TRARG1: variants seen among roughly 807,000 people sequenced by gnomAD.
TRARG1 encodes the protein trafficking regulator of GLUT4 1.
TRARG1 carries 16 observed loss-of-function variants against 13.3 expected under a neutral mutation model. That is an observed-to-expected ratio of 1.20 (90% confidence interval 0.81 to 1.83). TRARG1 has a LOEUF of 1.83. Among genes scored for constraint, TRARG1 ranks in the 40% most tolerant of loss-of-function variants. The probability of loss-of-function intolerance (pLI) is 0.00; values close to 1 mark genes in which losing one functional copy is unlikely to be tolerated. For synonymous variants in TRARG1, 113 were observed against 106.2 expected (o/e 1.06, Z -0.39); for missense variants, 250 against 237.4 (o/e 1.05, Z -0.35).
rs1380484879 is a variant in TRARG1 at position 1,300,818 on chromosome 17, A to G, written c.*2554A>G. ...GCTGTCCCGGCTCCATCTTGGTTCTAGCCGCCACCTGCATGAACACAGTGG... is the reference window on the plus strand; with the variant it reads ...GCTGTCCCGGCTCCATCTTGGTTCTGGCCGCCACCTGCATGAACACAGTGG... On this transcript the variant is annotated 3_prime_UTR_variant, in exon 3 of 3. Transcript: ENST00000333813. 6.6e-6 allele frequency: 1 copy of G among 152,288 alleles called. No individual in the cohort carries two copies. The highest frequency in any genetic ancestry group is 1.5e-5 in the Non-Finnish European group (1 of 68,096). The allele number at this position is 152,288 out of a possible 1,614,324, so 9.4% of individuals were successfully genotyped here. A position where few individuals can be genotyped will look rare whatever the true frequency, so the allele number is the denominator to read the frequency against.
At chr17:1,281,417 C>T (rs781544718) in intron 1 of TRARG1, among the ~76,000 whole-genome samples, 7 of 151,998 alleles carry the variant, frequency 4.6e-5, no homozygotes, top group South Asian at 2.1e-4. Flanking sequence ...TCACCATCAC[C>T]GAACCCCCAG....
Position 1,280,954 on chromosome 17 carries a change from C to T in TRARG1, c.387+566C>T, listed in dbSNP as rs373370092. ...AAGCGGGGAGAGCTGGCAGACTGCT[C>T]CTCCCGAGGCGTGGAGTTCCCTCCG... is the stretch of plus-strand genomic sequence containing the variant. On this transcript the variant is annotated intron_variant, in intron 1 of 2. Coordinates refer to ENST00000333813, the MANE Select transcript of TRARG1 (RefSeq NM_172367.3). 1.6e-3 allele frequency among the ~76,000 whole-genome samples: 249 copies of T among 152,306 alleles called. 2 individuals are homozygous for T. Among genetic ancestry groups the T allele is most frequent in the South Asian group, 0.013 (64 of 4,830 alleles).
Position 1,279,955 on chromosome 17 carries a change from C to T in TRARG1, c.-47C>T. On this transcript the variant is annotated 5_prime_UTR_variant, in exon 1 of 3. Coordinates refer to ENST00000333813, the MANE Select transcript of TRARG1 (RefSeq NM_172367.3). Reference sequence around the variant, plus strand: ...ATGGCGCGCTGAGGTCCCTCCAGAGCCCCTTGTCCCAGCCTGGAGCTGCAG... The same window carrying T: ...ATGGCGCGCTGAGGTCCCTCCAGAGTCCCTTGTCCCAGCCTGGAGCTGCAG... 6.4e-7 allele frequency: 1 copy of T among 1,565,364 alleles called. No homozygotes were observed. The highest frequency in any genetic ancestry group is 8.7e-7 in the Non-Finnish European group (1 of 1,154,968).
At chr17:1,284,068 TGG>T (rs2072003006) in intron 1 of TRARG1, among the ~76,000 whole-genome samples, 7 of 151,204 alleles carry the variant, frequency 4.6e-5, no homozygotes, top group Admixed American at 4.0e-4. Flanking sequence ...TGAGCTGAGA[TGG>T]TGCCACTGCA....
At chr17:1,285,899 A>T (rs915801050) in intron 1 of TRARG1, among the ~76,000 whole-genome samples, 4 of 152,154 alleles carry the variant, frequency 2.6e-5, no homozygotes, top group African/African-American at 9.7e-5. Context: ...GGGCAGAGAC[A>T]CCCAGGGAGG....
At chr17:1,293,010 G>A (rs945809917) in intron 1 of TRARG1, among the ~76,000 whole-genome samples, 10 of 152,060 alleles carry the variant, frequency 6.6e-5, no homozygotes, top group African/African-American at 1.9e-4. Flanking sequence ...GAAAGAGGCC[G>A]GGCACAGTGA....
chr17:1,283,875 G>A (rs1372511963), intron 1 of TRARG1, among the ~76,000 whole-genome samples: 2 of 151,926 alleles, frequency 1.3e-5, no homozygotes, highest in African/African-American at 4.8e-5. Flanking sequence ...CACTTTGGGA[G>A]GCCGAGGCGG....
intron 1 of TRARG1, among the ~76,000 whole-genome samples, chr17:1,280,687 C>A (rs72631499): frequency 0.12 from 18,671 of 152,200 alleles, 1,496 homozygotes; most frequent in South Asian, 0.18. Context: ...TCCCGCGGGG[C>A]AGAAAGATAG....
At chr17:1,295,805 G>C (rs934048535) in intron 2 of TRARG1, among the ~76,000 whole-genome samples, 182 bp downstream of exon 2, 7 of 152,244 alleles carry the variant, frequency 4.6e-5, no homozygotes, top group Non-Finnish European at 1.0e-4. Flanking sequence ...CCAGATGAGT[G>C]GGGATGGGCT....
chr17:1,280,534 G>C, intron 1 of TRARG1, 146 bp downstream of exon 1: 1 of 922,972 alleles, frequency 1.1e-6, no homozygotes, highest in Non-Finnish European at 1.6e-6. Context: ...TTCCTCACTG[G>C]CCTCCTCCTT....
In TRARG1 at chr17:1,280,374, A is replaced by G. The variant is rs2071964662; in HGVS notation, c.373A>G (p.Ile125Val). ...PVWPLNLIPL[I>V]ISIMSRSSMQ... ...CTGGCCCCTCAACCTCATCCCCCTC[A>G]TCATTTCCATCATGGTAAGTGCTGG... is the stretch of plus-strand genomic sequence containing the variant. Residue 125 changes from isoleucine (I) to valine (V), a missense_variant, in exon 1 of 3, where the codon ATC becomes GTC. Ile to Val is a conservative substitution (Grantham distance 29). Transcript: ENST00000333813. The G allele has an allele frequency of 1.3e-6, 2 of 1,598,550 alleles. No homozygotes were observed. The highest frequency in any genetic ancestry group is 1.7e-6 in the Non-Finnish European group (2 of 1,172,418).
chr17:1,286,942 C>T (rs1364209656), intron 1 of TRARG1, among the ~76,000 whole-genome samples: 3 of 149,350 alleles, frequency 2.0e-5, no homozygotes, highest in African/African-American at 7.4e-5. Flanking sequence ...ATCAGGTCAA[C>T]CCAAGTCTGA....
intron 1 of TRARG1, among the ~76,000 whole-genome samples, chr17:1,280,723 G>A (rs2071967115): frequency 6.6e-6 from 1 of 152,210 alleles, no homozygotes; most frequent in African/African-American, 2.4e-5. Context: ...TGCTGTTTTA[G>A]GAGGGACGGG....
At chr17:1,296,330 G>A (rs1394724769) in intron 2 of TRARG1, among the ~76,000 whole-genome samples, 1 of 151,774 alleles carries the variant, frequency 6.6e-6, no homozygotes, top group African/African-American at 2.4e-5. Context: ...CTGAGTAGCT[G>A]GGATTACAGG....
chr17:1,285,049 G>A (rs1180228841), intron 1 of TRARG1, among the ~76,000 whole-genome samples: 2 of 152,150 alleles, frequency 1.3e-5, no homozygotes, highest in Non-Finnish European at 2.9e-5. Context: ...ATAAGTAGAC[G>A]GTCTGGCTGA....
chr17:1,289,443 C>G (rs2072054940), intron 1 of TRARG1, among the ~76,000 whole-genome samples: 1 of 136,750 alleles, frequency 7.3e-6, no homozygotes, highest in Non-Finnish European at 1.6e-5. Flanking sequence ...CCACGGGCTC[C>G]TCATCCCCCA....
intron 1 of TRARG1, among the ~76,000 whole-genome samples, chr17:1,282,233 T>TACGTATACACGTGCGTATATGC (rs2071984437): frequency 8.1e-6 from 1 of 124,066 alleles, no homozygotes; most frequent in Non-Finnish European, 1.7e-5. Context: ...TGCGTATATG[T>TACGTATACACGTGCGTATATGC]ACGTATATGC....
chr17:1,295,623 G>A lies in TRARG1; in HGVS notation c.520G>A (p.Val174Ile), dbSNP rs757527314. The change falls in exon 2 of 3, where the codon GTT (valine) becomes ATT (isoleucine). Residue 174 changes from valine (V) to isoleucine (I), a missense_variant and splice_region_variant. Coordinates refer to ENST00000333813, the MANE Select transcript of TRARG1 (RefSeq NM_172367.3). ...IMVAVTVNFTVQKK is the reference protein window; with the variant it reads ...IMVAVTVNFTIQKK The stretch of plus-strand genomic sequence containing the variant: ...GGTGGCCGTGACCGTCAACTTCACA[G>A]GTGAGACCCAGCTCCTTGGAGAGGA... The A allele has an allele frequency of 2.2e-5, 36 of 1,609,860 alleles. No homozygotes were observed. The highest frequency in any genetic ancestry group is 2.6e-5 in the Non-Finnish European group (31 of 1,178,352).
At chr17:1,282,050 A>G (rs958763132) in intron 1 of TRARG1, among the ~76,000 whole-genome samples, 5 of 138,978 alleles carry the variant, frequency 3.6e-5, no homozygotes, top group Non-Finnish European at 6.2e-5. Flanking sequence ...ACATATGTAC[A>G]CATATGTACA....
Sources: allele counts gnomAD v4.1 joint callset (sites outside exome capture counted in the v4.1 genomes callset), GRCh38; gene constraint gnomAD v4.1.1; transcripts MANE v1.5; gene names NCBI Gene and HGNC (gene_info 2026-07-23, HGNC 2026-07-21).